The following ZNF471 variants were observed in gnomAD, a reference collection of about 807,000 sequenced individuals.
ZNF471 encodes the protein zinc finger protein 471, also known as EZFIT-related protein 1.
In ZNF471, 7 loss-of-function variants were observed where a neutral mutation model predicts 13.7. The observed-to-expected ratio is 0.51, with a 90% CI of 0.29 to 0.96. The LOEUF (loss-of-function observed/expected upper bound fraction) is 0.96, where lower values mean the gene tolerates loss of function less well. ZNF471 is among the 40% of genes least tolerant of loss of function. The pLI, the probability that ZNF471 is intolerant of heterozygous loss-of-function variation, is 0.08. For missense variants in ZNF471, 663 were observed against 743.3 expected, an observed-to-expected ratio of 0.89 and a Z score of 1.26; for synonymous variants, 218 against 235.6, an observed-to-expected ratio of 0.93 and a Z score of 0.68.
At chr19:56,518,727 G>A (rs1277958138) in intron 4 of ZNF471, 150 bp downstream of exon 4, 2 of 565,200 alleles carry the variant, frequency 3.5e-6, no homozygotes, top group Non-Finnish European at 6.1e-6. Flanking sequence ...CTTCACATGG[G>A]CCCCTCAAAT....
In ZNF471 at chr19:56,525,558, A is replaced by G; in HGVS notation, c.1491A>G (p.Arg497=). The G allele has an allele frequency of 6.2e-7, 1 of 1,613,974 alleles. No homozygotes were observed. The highest frequency in any genetic ancestry group is 8.5e-7 in the Non-Finnish European group (1 of 1,179,982). Residue 497 remains arginine (R), a synonymous_variant, in exon 5 of 5, where the codon AGA becomes AGG. Coordinates refer to ENST00000308031, the MANE Select transcript of ZNF471 (RefSeq NM_020813.4). ...YECKECGKAF[R]ISSQLATHQR... is the part of the protein sequence containing the mutation. ...GTAAAGAATGTGGAAAAGCTTTTAG[A>G]ATCAGTTCACAGCTGGCTACTCATC...
chr19:56,509,759 C>T (rs996275315), intron 1 of ZNF471: 4 of 272,070 alleles, frequency 1.5e-5, no homozygotes, highest in East Asian at 4.4e-4. Flanking sequence ...GTGTGTAGAT[C>T]CCCACACATC....
At position 56,516,199 on chromosome 19, in the gene ZNF471, A is replaced by T; in HGVS notation, c.34-76A>T. 1 of 1,446,710 alleles carries T rather than the reference A, an allele frequency of 6.9e-7. No individual in the cohort carries two copies. The highest frequency in any genetic ancestry group is 1.2e-5 in the South Asian group (1 of 82,854). 89.6% of individuals were successfully genotyped at this position (1,446,710 alleles called of 1,614,324 possible). A position where few individuals can be genotyped will look rare whatever the true frequency, so the allele number is the denominator to read the frequency against. On this transcript the variant is annotated intron_variant, in intron 2 of 4. Transcript: ENST00000308031. The surrounding 1 kb of genome is among the most constrained non-coding windows in gnomAD (Gnocchi z 4.4). ...CTATGAGTTATTTCTCACCTAAAGT[A>T]GAGACACTTTGGATCAACTCAGAGT...
chr19:56,525,779 A>G lies in ZNF471; in HGVS notation c.1712A>G (p.Tyr571Cys), dbSNP rs2147931016. 2.5e-6 allele frequency: 4 copies of G among 1,614,164 alleles called. No individual in the cohort carries two copies. The highest frequency in any genetic ancestry group is 2.2e-5 in the East Asian group (1 of 44,874). Residue 571 changes from tyrosine to cysteine, a missense_variant, in exon 5 of 5, where the codon TAT becomes TGT. Transcript: ENST00000308031. ...AGAATTCATACTGGAGAGAAACCCTATAAATGTACTGAATGTGGAAAGGCT... is the reference window on the plus strand; with the variant it reads ...AGAATTCATACTGGAGAGAAACCCTGTAAATGTACTGAATGTGGAAAGGCT... ...HQRIHTGEKP[Y>C]KCTECGKAFS... is the part of the protein sequence containing the mutation.
At position 56,525,920 on chromosome 19, in the gene ZNF471, A is replaced by C. The variant is rs759829040; in HGVS notation, c.1853A>C (p.Gln618Pro). The C allele has an allele frequency of 6.4e-7, 1 of 1,572,576 alleles. No individual in the cohort carries two copies. Among genetic ancestry groups the C allele is most frequent in the East Asian group, 2.2e-5 (1 of 44,558 alleles). ...FRRKLSLICH[Q>P]RSHTGEEP Reference sequence around the variant, plus strand: ...AGAAAGTTATCCTTAATTTGTCATCAAAGAAGTCATACTGGAGAAGAACCT... The same window carrying C: ...AGAAAGTTATCCTTAATTTGTCATCCAAGAAGTCATACTGGAGAAGAACCT... Residue 618 changes from glutamine (Q) to proline (P), a missense_variant, in exon 5 of 5, where the codon CAA becomes CCA. Transcript: ENST00000308031.
At chr19:56,517,883 T>G (rs1445624282) in intron 3 of ZNF471, among the ~76,000 whole-genome samples, 1 of 152,198 alleles carries the variant, frequency 6.6e-6, no homozygotes, top group Non-Finnish European at 1.5e-5. Context: ...TGGTTCTTCT[T>G]GTAGTTTCGT....
In ZNF471 at chr19:56,524,977, C is replaced by A. The variant is rs1568476373; in HGVS notation, c.910C>A (p.His304Asn). Reference sequence around the variant, plus strand: ...CAGAAAAGCCTTCAGACAGCCTGCACACCTTGCTCAGCATCAGAGAATTCA... The same window carrying A: ...CAGAAAAGCCTTCAGACAGCCTGCAAACCTTGCTCAGCATCAGAGAATTCA... ...ECRKAFRQPAHLAQHQRIHTG... is the reference protein window; with the variant it reads ...ECRKAFRQPANLAQHQRIHTG... The change falls in exon 5 of 5, where the codon CAC becomes AAC. Residue 304 changes from histidine (H) to asparagine (N), a missense_variant. His to Asn is a moderately conservative substitution (Grantham distance 68, BLOSUM62 1). Transcript: ENST00000308031. The surrounding 1 kb of genome is among the most constrained non-coding windows in gnomAD (Gnocchi z 4.8). 6.2e-7 allele frequency: 1 copy of A among 1,614,154 alleles called. No individual in the cohort carries two copies. The highest frequency in any genetic ancestry group is 1.7e-5 in the Admixed American group (1 of 60,016).
Position 56,525,967 on chromosome 19 carries a change from C to A in ZNF471, c.*19C>A, listed in dbSNP as rs2147931425. ...ACCTTAAGAATGTAGTGCATGTGGC[C>A]AAGCCTTTAGTTATCACCAATCCCC... On this transcript the variant is annotated 3_prime_UTR_variant, in exon 5 of 5. Transcript: ENST00000308031. The A allele has an allele frequency of 6.5e-7, 1 of 1,529,486 alleles. No individual in the cohort carries two copies. Among genetic ancestry groups the A allele is most frequent in the Non-Finnish European group, 8.8e-7 (1 of 1,141,720 alleles). 94.7% of individuals were successfully genotyped at this position (1,529,486 alleles called of 1,614,324 possible). A position where few individuals can be genotyped will look rare whatever the true frequency, so the allele number is the denominator to read the frequency against.
chr19:56,518,259 G>A (rs558390896), intron 3 of ZNF471, among the ~76,000 whole-genome samples: 20 of 151,996 alleles, frequency 1.3e-4, no homozygotes, highest in Non-Finnish European at 2.4e-4. Flanking sequence ...GAAAATGTTG[G>A]GCTAAATTTC....
rs764353180 is a variant in ZNF471 at position 56,525,012 on chromosome 19, G to T, written c.945G>T (p.Glu315Asp). The T allele has an allele frequency of 1.2e-6, 2 of 1,613,888 alleles. No individual in the cohort carries two copies. The highest frequency in any genetic ancestry group is 1.3e-5 in the African/African-American group (1 of 74,920). ...AGCATCAGAGAATTCATACTGGAGA[G>T]AAACCCTATGAATGTAAAGAATGTG... The part of the protein sequence containing the change: ...LAQHQRIHTG[E>D]KPYECKECGK... The change falls in exon 5 of 5, where the codon GAG becomes GAT. Residue 315 changes from glutamate (E) to aspartate (D), a missense_variant. By Grantham distance (45) the Glu-to-Asp change is conservative. Transcript: ENST00000308031.
intron 2 of ZNF471, among the ~76,000 whole-genome samples, chr19:56,513,994 GAT>G (rs369043199): frequency 1.3e-5 from 2 of 150,084 alleles, no homozygotes; most frequent in African/African-American, 4.9e-5. Context: ...AACCAATATT[GAT>G]ATGTTATTAG....
intron 4 of ZNF471, among the ~76,000 whole-genome samples, chr19:56,523,299 A>T (rs1201034730): frequency 6.6e-6 from 1 of 151,508 alleles, no homozygotes. Flanking sequence ...TAAGCCCAGG[A>T]GTTAGTGAGC....
Position 56,524,528 on chromosome 19 carries a change from C to G in ZNF471, c.461C>G (p.Thr154Ser). The change falls in exon 5 of 5, where the codon ACT becomes AGT. Residue 154 changes from threonine to serine, a missense_variant. Physicochemically the swap from Thr to Ser is moderately conservative, Grantham distance 58 (BLOSUM62 1). Coordinates refer to ENST00000308031, the MANE Select transcript of ZNF471 (RefSeq NM_020813.4). This position sits in a 1 kb window ranked among gnomAD's most constrained non-coding sequence, Gnocchi z 4.8. ...ATAATCACTCATAAAGAAACCATCA[C>G]TAAGGAAACAGAATTCAAATATACT... ...KEIITHKETI[T>S]KETEFKYTKF... is the part of the protein sequence containing the mutation. The G allele has an allele frequency of 1.9e-6, 3 of 1,602,282 alleles. No homozygotes were observed. Among genetic ancestry groups the G allele is most frequent in the South Asian group, 1.1e-5 (1 of 88,050 alleles).
At chr19:56,521,670 G>C (rs978953058) in intron 4 of ZNF471, among the ~76,000 whole-genome samples, 2 of 144,760 alleles carry the variant, frequency 1.4e-5, no homozygotes, top group African/African-American at 5.2e-5. Context: ...CTCTTCTATT[G>C]CTGGGCATGG....
chr19:56,511,726 T>C, intron 2 of ZNF471, 122 bp downstream of exon 2: 1 of 767,998 alleles, frequency 1.3e-6, no homozygotes, highest in Non-Finnish European at 2.2e-6. Context: ...CCCACTTCTC[T>C]CAGGGGCCAC....
In ZNF471 at chr19:56,513,597, G is replaced by A. The variant is rs10404150; in HGVS notation, c.33+1993G>A. Among the ~76,000 whole-genome samples, 787 of 152,030 alleles carry A rather than the reference G, an allele frequency of 5.2e-3. 9 individuals are homozygous for A. Among genetic ancestry groups the A allele is most frequent in the African/African-American group, 0.018 (756 of 41,502 alleles). ...TAGAATTTCTATTTAATTGTTTTAT[G>A]TAATTTTCTATTTTCTTCCTGAATT... On this transcript the variant is annotated intron_variant, in intron 2 of 4. Transcript: ENST00000308031.
rs1278196213 is a variant in ZNF471, at chr19:56,526,271, TCTCCCTC to T, written c.*325_*331del. ...CCTGGGAAGTGCAAGGAGTCGGGGATCTCCCTCCCCTAGCCAAGGGAAGCCATGAGGG... is the reference window on the plus strand; with the variant it reads ...CCTGGGAAGTGCAAGGAGTCGGGGATCCCTAGCCAAGGGAAGCCATGAGGG... On this transcript the variant is annotated 3_prime_UTR_variant, in exon 5 of 5. Coordinates refer to ENST00000308031, the MANE Select transcript of ZNF471 (RefSeq NM_020813.4). The T allele has an allele frequency of 4.3e-6, 1 of 233,278 alleles. No individual in the cohort carries two copies. Among genetic ancestry groups the T allele is most frequent in the East Asian group, 8.7e-5 (1 of 11,534 alleles). 14.5% of individuals were successfully genotyped at this position (233,278 alleles called of 1,614,324 possible). A position where few individuals can be genotyped will look rare whatever the true frequency, so the allele number is the denominator to read the frequency against.
Position 56,525,554 on chromosome 19 carries a change from T to C in ZNF471, c.1487T>C (p.Phe496Ser). The change falls in exon 5 of 5, where the codon TTT (phenylalanine) becomes TCT (serine). Residue 496 changes from phenylalanine (F) to serine (S), a missense_variant. By Grantham distance (155) the Phe-to-Ser change is radical. Coordinates refer to ENST00000308031, the MANE Select transcript of ZNF471 (RefSeq NM_020813.4). ...PYECKECGKA[F>S]RISSQLATHQ... Reference sequence around the variant, plus strand: ...GAATGTAAAGAATGTGGAAAAGCTTTTAGAATCAGTTCACAGCTGGCTACT... The same window carrying C: ...GAATGTAAAGAATGTGGAAAAGCTTCTAGAATCAGTTCACAGCTGGCTACT... The C allele has an allele frequency of 6.2e-7, 1 of 1,614,046 alleles. No individual in the cohort carries two copies. Among genetic ancestry groups the C allele is most frequent in the African/African-American group, 1.3e-5 (1 of 75,004 alleles).
intron 4 of ZNF471, among the ~76,000 whole-genome samples, chr19:56,523,354 C>G (rs938211255): frequency 2.0e-5 from 3 of 149,652 alleles, no homozygotes; most frequent in Admixed American, 2.0e-4. Context: ...TGAGTGAAAC[C>G]CTCTTTTTTT....
Sources: allele counts gnomAD v4.1 joint callset (sites outside exome capture counted in the v4.1 genomes callset), GRCh38; gene constraint gnomAD v4.1.1; non-coding constraint Gnocchi (gnomAD v3.1); transcripts MANE v1.5; gene names NCBI Gene and HGNC (gene_info 2026-07-23, HGNC 2026-07-21).